The following VEGFC variants were observed in gnomAD, a reference collection of about 807,000 sequenced individuals.
The protein encoded by VEGFC is vascular endothelial growth factor C.
A neutral mutation model predicts 46.1 loss-of-function variants in VEGFC; 12 were observed. That is an observed-to-expected ratio of 0.26 (90% confidence interval 0.17 to 0.42). VEGFC has a LOEUF of 0.42. VEGFC is among the 10% of genes least tolerant of loss of function. VEGFC has a pLI of 1.00. For synonymous variants in VEGFC, 232 were observed against 195.5 expected (o/e 1.19, Z -1.56); for missense variants, 488 against 529.4 (o/e 0.92, Z 0.77).
intron 4 of VEGFC, among the ~76,000 whole-genome samples, chr4:176,707,037 A>G (rs1047622650): frequency 6.6e-6 from 1 of 152,138 alleles, no homozygotes; most frequent in African/African-American, 2.4e-5. Context: ...AATGTCTCTG[A>G]GATCCTTTTA....
chr4:176,790,047 A>T (rs1011889986), intron 1 of VEGFC, among the ~76,000 whole-genome samples: 6 of 152,326 alleles, frequency 3.9e-5, no homozygotes, highest in Middle Eastern at 3.4e-3. Context: ...TTAAATCTAA[A>T]TGTGGTGCTT....
intron 4 of VEGFC, among the ~76,000 whole-genome samples, chr4:176,694,771 C>G (rs1372921544): frequency 3.5e-5 from 5 of 142,182 alleles, no homozygotes; most frequent in Non-Finnish European, 3.0e-5. Flanking sequence ...GAAATTATAA[C>G]AAACTATCTC....
chr4:176,784,330 A>G (rs1374962024), intron 1 of VEGFC, among the ~76,000 whole-genome samples: 1 of 151,944 alleles, frequency 6.6e-6, no homozygotes, highest in Non-Finnish European at 1.5e-5. Flanking sequence ...TCAGACTCCC[A>G]AAGTGCTGGG....
chr4:176,777,215 G>A (rs1015535261), intron 1 of VEGFC, among the ~76,000 whole-genome samples: 1 of 152,182 alleles, frequency 6.6e-6, no homozygotes, highest in Non-Finnish European at 1.5e-5. Context: ...TACTCAGGAG[G>A]CTGAGGCAGG....
intron 1 of VEGFC, among the ~76,000 whole-genome samples, chr4:176,780,314 G>A (rs866028575): frequency 5.6e-5 from 8 of 141,736 alleles, no homozygotes; most frequent in Non-Finnish European, 1.1e-4. Flanking sequence ...CCCGGGAGGC[G>A]GAGGTTGCAG....
In VEGFC at chr4:176,784,999, G is replaced by A. The variant is rs544498488; in HGVS notation, c.147+7166C>T. On this transcript the variant is annotated intron_variant, in intron 1 of 6. Coordinates refer to ENST00000618562, the MANE Select transcript of VEGFC (RefSeq NM_005429.5). Reference sequence around the variant, plus strand: ...TGCACTGCATCTCTAAACAAGTTACGTCACTGACACAAGCAACAGTTATGT... The same window carrying A: ...TGCACTGCATCTCTAAACAAGTTACATCACTGACACAAGCAACAGTTATGT... Among the ~76,000 whole-genome samples, 104 of 152,004 alleles carry A rather than the reference G, an allele frequency of 6.8e-4. 1 individual carries two copies. The highest frequency in any genetic ancestry group is 1.3e-3 in the Non-Finnish European group (87 of 67,978).
At chr4:176,760,404 C>T (rs1305433873) in intron 1 of VEGFC, among the ~76,000 whole-genome samples, 2 of 152,126 alleles carry the variant, frequency 1.3e-5, no homozygotes, top group Admixed American at 1.3e-4. Context: ...AAAAGAATTT[C>T]TCTAGGCAAA....
chr4:176,743,371 C>A (rs1379766741), intron 1 of VEGFC, among the ~76,000 whole-genome samples: 1 of 151,602 alleles, frequency 6.6e-6, no homozygotes, highest in East Asian at 1.9e-4. Context: ...TTAATAAAAA[C>A]TGAAATAATG....
At chr4:176,711,793 T>G (rs962853807) in intron 3 of VEGFC, 143 bp from the exon 4 acceptor site, 4 of 732,688 alleles carry the variant, frequency 5.5e-6, no homozygotes, top group Non-Finnish European at 8.6e-6. Context: ...GTTTTTATGA[T>G]TACAAAGTAA....
chr4:176,768,092 G>A (rs1735660834), intron 1 of VEGFC, among the ~76,000 whole-genome samples: 1 of 152,184 alleles, frequency 6.6e-6, no homozygotes, highest in Non-Finnish European at 1.5e-5. Flanking sequence ...AAGGCTATAG[G>A]TAGAGCTAGA....
chr4:176,740,569 T>G (rs567616980), intron 1 of VEGFC, among the ~76,000 whole-genome samples: 26 of 146,638 alleles, frequency 1.8e-4, no homozygotes, highest in South Asian at 1.5e-3. Context: ...ATTCTATATA[T>G]AGAGAGAGAA....
At chr4:176,740,882 G>A (rs1376339171) in intron 1 of VEGFC, among the ~76,000 whole-genome samples, 18 of 151,696 alleles carry the variant, frequency 1.2e-4, no homozygotes, top group Admixed American at 4.6e-4. Context: ...AATAAATAAC[G>A]TTCAAGGAAT....
intron 1 of VEGFC, among the ~76,000 whole-genome samples, chr4:176,781,088 G>A (rs1735908019): frequency 6.6e-6 from 1 of 152,200 alleles, no homozygotes; most frequent in African/African-American, 2.4e-5. Flanking sequence ...TTGCTTTAAT[G>A]TGTATCTGAA....
rs1361878384 is a variant in VEGFC at position 176,737,308 on chromosome 4, TATAA to T, written c.148-7566_148-7563del. 2.7e-5 allele frequency among the ~76,000 whole-genome samples: 4 copies of T among 147,004 alleles called. No homozygotes were observed. The East Asian group carries it at 6.0e-4, about 22-fold the overall frequency. On this transcript the variant is annotated intron_variant, in intron 1 of 6. Transcript: ENST00000618562. Reference sequence around the variant, plus strand: ...ATATATATAGAATATGTTTATAATATATAAATATAGAATATATTTATAATATATA... The same window carrying T: ...ATATATATAGAATATGTTTATAATATATATAGAATATATTTATAATATATA...
chr4:176,694,769 A>C (rs1309074736), intron 4 of VEGFC, among the ~76,000 whole-genome samples: 7 of 142,742 alleles, frequency 4.9e-5, no homozygotes, highest in Admixed American at 7.0e-5. Flanking sequence ...CAGAAATTAT[A>C]ACAAACTATC....
intron 1 of VEGFC, among the ~76,000 whole-genome samples, chr4:176,732,748 A>G (rs1560949147): frequency 6.6e-6 from 1 of 151,832 alleles, no homozygotes; most frequent in Non-Finnish European, 1.5e-5. Context: ...TCAGAAGAAA[A>G]TATTTGTGAT....
intron 1 of VEGFC, among the ~76,000 whole-genome samples, chr4:176,783,002 G>A (rs867978477): frequency 6.6e-6 from 1 of 152,112 alleles, no homozygotes; most frequent in African/African-American, 2.4e-5. Context: ...GTCTGCTCAC[G>A]GGCCTCCAAT....
rs1734063508 is a variant in VEGFC, at chr4:176,687,404, G to A, written c.928C>T (p.Leu310=). The change falls in exon 6 of 7, where the codon CTA becomes TTA. Residue 310 remains leucine, a synonymous_variant. Transcript: ENST00000618562. ...ACACACTGGCATGAGTTTCTGTCTA[G>A]TTCTTTGTGGGGTCCACAGCTGGCA... ...RPASCGPHKE[L]DRNSCQCVCK... is the part of the protein sequence containing the mutation. 2 of 1,614,042 alleles carry A rather than the reference G, an allele frequency of 1.2e-6. No homozygotes were observed.
At chr4:176,771,694 CCA>C (rs1735725659) in intron 1 of VEGFC, among the ~76,000 whole-genome samples, 1 of 152,148 alleles carries the variant, frequency 6.6e-6, no homozygotes, top group African/African-American at 2.4e-5. Context: ...TGTGGACACG[CCA>C]CTTGGAAGGA....
Sources: allele counts gnomAD v4.1 joint callset (sites outside exome capture counted in the v4.1 genomes callset), GRCh38; gene constraint gnomAD v4.1.1; transcripts MANE v1.5; gene names NCBI Gene and HGNC (gene_info 2026-07-23, HGNC 2026-07-21).